The following ERICH6 variants were observed in gnomAD, a reference collection of about 807,000 sequenced individuals.
The protein encoded by ERICH6 is glutamate-rich protein 6.
ERICH6 carries 71 observed loss-of-function variants against 71.0 expected under a neutral mutation model. That is an observed-to-expected ratio of 1.00 (90% confidence interval 0.83 to 1.22). The LOEUF is 1.22. Ranked by LOEUF, ERICH6 falls within the 50% of genes most tolerant of loss-of-function variation. The pLI is 0.00. For missense variants in ERICH6, 808 were observed against 797.2 expected (o/e 1.01, Z -0.16); for synonymous variants, 262 against 278.4 (o/e 0.94, Z 0.59).
At chr3:150,672,485 C>G (rs1475323172) in intron 11 of ERICH6, among the ~76,000 whole-genome samples, 1 of 151,310 alleles carries the variant, frequency 6.6e-6, no homozygotes, top group East Asian at 1.9e-4. Flanking sequence ...GTAATCCCAG[C>G]TACTCGGGAG....
intron 11 of ERICH6, among the ~76,000 whole-genome samples, chr3:150,673,131 T>C (rs1033043093): frequency 7.1e-6 from 1 of 140,394 alleles, no homozygotes; most frequent in African/African-American, 2.9e-5. Context: ...TCCTTCCTTC[T>C]TCCTTCCTTC....
In ERICH6 at chr3:150,703,490, C is replaced by T. The variant is rs760956665; in HGVS notation, c.403+6G>A. ...CCTCGAGGAAGGGGTGGGTCGGGGG[C>T]GGTACTTTTATGCGAGGAGGTGCTG... On this transcript the variant is annotated splice_donor_region_variant and intron_variant, in intron 1 of 13. Transcript: ENST00000295910. The T allele has an allele frequency of 1.5e-5, 24 of 1,578,732 alleles. No homozygotes were observed. The East Asian group carries it at 4.1e-4, about 27-fold the overall frequency.
At chr3:150,686,565 C>T (rs910211682) in intron 3 of ERICH6, among the ~76,000 whole-genome samples, 1 of 152,102 alleles carries the variant, frequency 6.6e-6, no homozygotes, top group Non-Finnish European at 1.5e-5. Flanking sequence ...TAAAATGTTT[C>T]CCCTTCCTTT....
Position 150,698,899 on chromosome 3 carries a change from A to G in ERICH6, c.462-17T>C. The G allele has an allele frequency of 1.3e-6, 2 of 1,590,638 alleles. No homozygotes were observed. Among genetic ancestry groups the G allele is most frequent in the Non-Finnish European group, 1.7e-6 (2 of 1,158,996 alleles). ...TGAATATTTCTGAAATTTCGACAAAAATGTTTTGAGTATACCTATATAGTT... is the reference window on the plus strand; with the variant it reads ...TGAATATTTCTGAAATTTCGACAAAGATGTTTTGAGTATACCTATATAGTT... On this transcript the variant is annotated splice_polypyrimidine_tract_variant and intron_variant, in intron 2 of 13. Transcript: ENST00000295910.
intron 13 of ERICH6, among the ~76,000 whole-genome samples, chr3:150,662,225 G>T (rs754071566): frequency 6.6e-6 from 1 of 152,240 alleles, no homozygotes; most frequent in Admixed American, 6.5e-5. Context: ...TGAGGGGAAA[G>T]AATGGGCTGG....
rs554822400 is a variant in ERICH6 at position 150,660,105 on chromosome 3, G to A, written c.1779C>T (p.Asp593=). 2.9e-5 allele frequency: 46 copies of A among 1,613,932 alleles called. No homozygotes were observed. The highest frequency in any genetic ancestry group is 2.7e-4 in the Admixed American group (16 of 59,972). Residue 593 remains aspartate, a synonymous_variant, in exon 14 of 14, where the codon GAC becomes GAT. Transcript: ENST00000295910. Reference sequence around the variant, plus strand: ...TTATTAAACTGGCCAGCAGAAGAAGGTCATCTCCACTTACGTATCGGAGGA... The same window carrying A: ...TTATTAAACTGGCCAGCAGAAGAAGATCATCTCCACTTACGTATCGGAGGA... ...IPILRYVSGD[D]LLLLASLIKI...
chr3:150,664,028 C>T (rs1384613995), intron 13 of ERICH6, among the ~76,000 whole-genome samples: 1 of 151,852 alleles, frequency 6.6e-6, no homozygotes, highest in Non-Finnish European at 1.5e-5. Context: ...CTCTGGGTTC[C>T]TCCAATATTT....
rs574023576 is a variant in ERICH6 at position 150,703,130 on chromosome 3, G to A, written c.403+366C>T. ...GTGGTGGCGTGTGCCTGTAGTTCCA[G>A]TTACTCGAGAGGCTGCGGTGGGAGG... On this transcript the variant is annotated intron_variant, in intron 1 of 13. Coordinates refer to ENST00000295910, the MANE Select transcript of ERICH6 (RefSeq NM_152394.5). Among the ~76,000 whole-genome samples, 11 of 152,054 alleles carry A rather than the reference G, an allele frequency of 7.2e-5. No individual in the cohort carries two copies. The South Asian group carries it at 1.9e-3, about 26-fold the overall frequency.
At chr3:150,672,675 C>T (rs1028857064) in intron 11 of ERICH6, among the ~76,000 whole-genome samples, 3 of 147,796 alleles carry the variant, frequency 2.0e-5, no homozygotes, top group Admixed American at 1.3e-4. Flanking sequence ...AATTGCTCTT[C>T]GTGGAGCAGG....
rs767732979 is a variant in ERICH6, at chr3:150,698,893, G to A, written c.462-11C>T. ...TTGCGATGAATATTTCTGAAATTTC[G>A]ACAAAAATGTTTTGAGTATACCTAT... On this transcript the variant is annotated splice_polypyrimidine_tract_variant and intron_variant, in intron 2 of 13. Coordinates refer to ENST00000295910, the MANE Select transcript of ERICH6 (RefSeq NM_152394.5). 15 of 1,602,148 alleles carry A rather than the reference G, an allele frequency of 9.4e-6. No homozygotes were observed. In the Admixed American group the frequency reaches 1.5e-4, roughly 16 times the overall value.
At position 150,666,992 on chromosome 3, in the gene ERICH6, C is replaced by T. The variant is rs1727443937; in HGVS notation, c.1523G>A (p.Gly508Asp). Residue 508 changes from glycine (G) to aspartate (D), a missense_variant, in exon 13 of 14, where the codon GGT becomes GAT. Coordinates refer to ENST00000295910, the MANE Select transcript of ERICH6 (RefSeq NM_152394.5). ...GTTGCCGGCTTGATCTGAATATTGA[C>T]CTCCCAAGATATTGATGTATACCCT... is the stretch of plus-strand genomic sequence containing the variant. Reference protein sequence around the residue: ...NVWVYINILGGQYSDQAGNRI... With the variant: ...NVWVYINILGDQYSDQAGNRI... 4 of 1,613,986 alleles carry T rather than the reference C, an allele frequency of 2.5e-6. No individual in the cohort carries two copies. The highest frequency in any genetic ancestry group is 3.3e-4 in the Middle Eastern group (2 of 6,062).
intron 6 of ERICH6, among the ~76,000 whole-genome samples, chr3:150,683,500 C>T (rs890908567): frequency 2.0e-5 from 3 of 152,086 alleles, no homozygotes; most frequent in Non-Finnish European, 2.9e-5. Flanking sequence ...CATGGTGGCT[C>T]ACACCTGTAA....
rs769212470 is a variant in ERICH6, at chr3:150,703,678, C to T, written c.221G>A (p.Ser74Asn). The change falls in exon 1 of 14, where the codon AGC becomes AAC. Residue 74 changes from serine to asparagine, a missense_variant. By Grantham distance (46) the Ser-to-Asn change is conservative. Coordinates refer to ENST00000295910, the MANE Select transcript of ERICH6 (RefSeq NM_152394.5). ...EQELEAPETFSEEYLWKVTDI... is the reference protein window; with the variant it reads ...EQELEAPETFNEEYLWKVTDI... ...CGTGACCTTCCAGAGGTACTCTTCG[C>T]TGAACGTCTCAGGGGCCTCCAACTC... is the stretch of plus-strand genomic sequence containing the variant. The T allele has an allele frequency of 4.3e-6, 7 of 1,612,686 alleles. No individual in the cohort carries two copies. The highest frequency in any genetic ancestry group is 5.9e-6 in the Non-Finnish European group (7 of 1,179,332).
At chr3:150,674,209 A>G (rs2108049958) in intron 10 of ERICH6, among the ~76,000 whole-genome samples, 168 bp from the exon 11 acceptor site, 1 of 152,290 alleles carries the variant, frequency 6.6e-6, no homozygotes, top group East Asian at 1.9e-4. Context: ...TTATTAACAG[A>G]TTGTCCCTAA....
intron 9 of ERICH6, 85 bp downstream of exon 9, chr3:150,680,383 A>G: frequency 7.2e-7 from 1 of 1,380,584 alleles, no homozygotes; most frequent in Non-Finnish European, 1.0e-6. Flanking sequence ...TATTTTTTAA[A>G]TACACCCATT....
rs116700620 is a variant in ERICH6 at position 150,679,320 on chromosome 3, C to T, written c.1112-766G>A. On this transcript the variant is annotated intron_variant, in intron 9 of 13. Coordinates refer to ENST00000295910, the MANE Select transcript of ERICH6 (RefSeq NM_152394.5). ...AGTGGCAATTTCTGAGATTTAGGTGCACTTACTACCTGAGCAGTGATGTGA... is the reference window on the plus strand; with the variant it reads ...AGTGGCAATTTCTGAGATTTAGGTGTACTTACTACCTGAGCAGTGATGTGA... Among the ~76,000 whole-genome samples the T allele has an allele frequency of 4.4e-3, 671 of 152,134 alleles. 6 individuals carry two copies. Among genetic ancestry groups the T allele is most frequent in the African/African-American group, 0.016 (645 of 41,478 alleles).
chr3:150,685,941 A>C (rs1188977973), intron 5 of ERICH6, 25 bp downstream of exon 5: 1 of 1,598,546 alleles, frequency 6.3e-7, no homozygotes, highest in Non-Finnish European at 8.6e-7. Context: ...ACAGTGTACT[A>C]GTTAGTATGA....
intron 13 of ERICH6, among the ~76,000 whole-genome samples, chr3:150,664,478 G>A (rs1010351709): frequency 1.8e-4 from 27 of 151,956 alleles, no homozygotes; most frequent in African/African-American, 5.3e-4. Flanking sequence ...GTGAAACCCC[G>A]CCTCTACTAA....
intron 10 of ERICH6, among the ~76,000 whole-genome samples, chr3:150,674,689 G>A (rs2108050487): frequency 6.6e-6 from 1 of 152,238 alleles, no homozygotes; most frequent in East Asian, 1.9e-4. Context: ...GATCACTCTG[G>A]AAAGAATGAT....
Sources: allele counts gnomAD v4.1 joint callset (sites outside exome capture counted in the v4.1 genomes callset), GRCh38; gene constraint gnomAD v4.1.1; transcripts MANE v1.5; gene names NCBI Gene and HGNC (gene_info 2026-07-23, HGNC 2026-07-21).